CSMD1: variants seen among roughly 807,000 people sequenced by gnomAD.
The protein encoded by CSMD1 is CUB and Sushi multiple domains 1, also known as CUB and sushi domain-containing protein 1.
Under a neutral mutation model 417.5 loss-of-function variants are expected in CSMD1, and 213 were observed. The observed-to-expected ratio is 0.51, with a 90% CI of 0.46 to 0.57. The LOEUF (loss-of-function observed/expected upper bound fraction) is 0.57, where lower values mean the gene tolerates loss of function less well. Ranked by LOEUF, CSMD1 falls within the 20% of genes least tolerant of loss-of-function variation. The pLI, the probability that CSMD1 is intolerant of heterozygous loss-of-function variation, is 0.00. For missense variants in CSMD1, 6,923 were observed against 4,529.7 expected (o/e 1.53, Z -15.17); for synonymous variants, 2,862 against 1,736.8 (o/e 1.65, Z -16.11).
intron 4 of CSMD1, among the ~76,000 whole-genome samples, chr8:3,999,028 C>T (rs960980283): frequency 5.4e-5 from 8 of 148,672 alleles, no homozygotes; most frequent in African/African-American, 2.0e-4. Flanking sequence ...CTATATGATA[C>T]TTTATATACT....
intron 49 of CSMD1, among the ~76,000 whole-genome samples, chr8:3,079,776 CT>C (rs987638776): frequency 8.6e-5 from 13 of 152,042 alleles, no homozygotes; most frequent in African/African-American, 2.7e-4. Flanking sequence ...ATCTGAAAGA[CT>C]GGAGCTTAAA....
At chr8:3,804,287 C>T (rs1800610813) in intron 5 of CSMD1, among the ~76,000 whole-genome samples, 2 of 152,058 alleles carry the variant, frequency 1.3e-5, no homozygotes, top group South Asian at 2.1e-4. Flanking sequence ...GTGCAGAATA[C>T]TAAAATAAAT....
At chr8:3,962,818 T>G (rs1812420238) in intron 5 of CSMD1, among the ~76,000 whole-genome samples, 1 of 152,214 alleles carries the variant, frequency 6.6e-6, no homozygotes, top group Non-Finnish European at 1.5e-5. Context: ...ATAAGTTTCT[T>G]TTCACATTTT....
chr8:4,086,353 T>C (rs1800419234), intron 3 of CSMD1, among the ~76,000 whole-genome samples: 1 of 152,300 alleles, frequency 6.6e-6, no homozygotes, highest in South Asian at 2.1e-4. Flanking sequence ...TCTTTAATAC[T>C]GAAACTTGAA....
intron 6 of CSMD1, among the ~76,000 whole-genome samples, chr8:3,745,065 C>A (rs1463727462): frequency 6.6e-6 from 1 of 152,150 alleles, no homozygotes; most frequent in Non-Finnish European, 1.5e-5. Flanking sequence ...AACATGTTAA[C>A]AACCATTATG....
chr8:4,428,786 C>G (rs1188690052), intron 2 of CSMD1, among the ~76,000 whole-genome samples: 1 of 152,092 alleles, frequency 6.6e-6, no homozygotes, highest in Non-Finnish European at 1.5e-5. Flanking sequence ...GTGGCGTGAT[C>G]TTGGCTCACT....
chr8:3,551,596 A>ATATTTT (rs1261877187), intron 10 of CSMD1, among the ~76,000 whole-genome samples: 2 of 113,448 alleles, frequency 1.8e-5, no homozygotes, highest in Non-Finnish European at 3.6e-5. Flanking sequence ...ATATATATAT[A>ATATTTT]TTTTTTTTTT....
rs981454515 is a variant in CSMD1 at position 2,993,357 on chromosome 8, G to A, written c.8377+4654C>T. Among the ~76,000 whole-genome samples the A allele has an allele frequency of 2.0e-5, 3 of 152,208 alleles. No individual in the cohort carries two copies. The South Asian group carries it at 6.2e-4, about 32-fold the overall frequency. On this transcript the variant is annotated intron_variant, in intron 54 of 69. Transcript: ENST00000635120. Reference sequence around the variant, plus strand: ...TAAGGTTATATTTTCCTCCTTCAATGCATTTATTGCCAATATCCTGTAAAC... The same window carrying A: ...TAAGGTTATATTTTCCTCCTTCAATACATTTATTGCCAATATCCTGTAAAC...
At chr8:4,068,036 A>G (rs1799344082) in intron 3 of CSMD1, among the ~76,000 whole-genome samples, 1 of 152,114 alleles carries the variant, frequency 6.6e-6, no homozygotes, top group South Asian at 2.1e-4. Context: ...AGCCGAGATC[A>G]TGCCACTGCA....
At chr8:3,560,372 G>C (rs917120431) in intron 10 of CSMD1, among the ~76,000 whole-genome samples, 2 of 152,042 alleles carry the variant, frequency 1.3e-5, no homozygotes, top group African/African-American at 4.8e-5. Context: ...TGGCATATGA[G>C]GACATTGAGA....
rs1229266392 is a variant in CSMD1, at chr8:4,459,981, C to T, written c.303-39916G>A. On this transcript the variant is annotated intron_variant, in intron 2 of 69. Transcript: ENST00000635120. ...AGAACAATCTAGCCAAAATGACCATCAGACTAGACAACCAAAATAGTACTA... is the reference window on the plus strand; with the variant it reads ...AGAACAATCTAGCCAAAATGACCATTAGACTAGACAACCAAAATAGTACTA... 3.9e-5 allele frequency among the ~76,000 whole-genome samples: 6 copies of T among 152,264 alleles called. No individual in the cohort carries two copies. The East Asian group carries it at 1.2e-3, about 29-fold the overall frequency.
At chr8:3,241,100 T>C (rs145151123) in intron 26 of CSMD1, among the ~76,000 whole-genome samples, 13,420 of 150,432 alleles carry the variant, frequency 0.089, 702 homozygotes, top group South Asian at 0.23. Flanking sequence ...AACGGAGGCT[T>C]TGGATTGGGA....
At chr8:3,634,567 G>T (rs1253309848) in intron 7 of CSMD1, among the ~76,000 whole-genome samples, 1 of 152,062 alleles carries the variant, frequency 6.6e-6, no homozygotes, top group Admixed American at 6.6e-5. Context: ...TCTTTTCACT[G>T]TCACAAGCCA....
At chr8:3,421,262 C>G (rs149386445) in intron 12 of CSMD1, among the ~76,000 whole-genome samples, 4 of 152,260 alleles carry the variant, frequency 2.6e-5, no homozygotes, top group African/African-American at 9.6e-5. Context: ...GAGACTGGAT[C>G]CAGGGATTGG....
At chr8:4,079,479 C>T (rs1800010481) in intron 3 of CSMD1, among the ~76,000 whole-genome samples, 2 of 152,206 alleles carry the variant, frequency 1.3e-5, no homozygotes, top group South Asian at 4.1e-4. Context: ...CATCATAAAG[C>T]ATGCAAATTA....
intron 7 of CSMD1, among the ~76,000 whole-genome samples, chr8:3,693,130 A>T (rs1247502559): frequency 6.6e-6 from 1 of 152,168 alleles, no homozygotes; most frequent in Non-Finnish European, 1.5e-5. Context: ...ATACCAATAG[A>T]TAGTCACCCA....
chr8:4,125,226 C>T (rs960114824), intron 3 of CSMD1, among the ~76,000 whole-genome samples: 2 of 152,166 alleles, frequency 1.3e-5, no homozygotes, highest in African/African-American at 4.8e-5. Context: ...CTGGGAACTG[C>T]TTAGGGCCAA....
intron 10 of CSMD1, among the ~76,000 whole-genome samples, chr8:3,520,536 T>C (rs567470766): frequency 6.6e-6 from 1 of 152,346 alleles, no homozygotes. Flanking sequence ...TTTAGCTTGG[T>C]TGTCAAATCC....
At chr8:2,977,936 C>T (rs1030475124) in intron 55 of CSMD1, among the ~76,000 whole-genome samples, 1 of 151,992 alleles carries the variant, frequency 6.6e-6, no homozygotes, top group Admixed American at 6.6e-5. Context: ...CAGATGCTGG[C>T]GAGGCTGTGG....
Sources: allele counts gnomAD v4.1 joint callset (sites outside exome capture counted in the v4.1 genomes callset), GRCh38; gene constraint gnomAD v4.1.1; transcripts MANE v1.5; gene names NCBI Gene and HGNC (gene_info 2026-07-23, HGNC 2026-07-21).